Variants in FRMD4A observed in about 807,000 individuals in gnomAD.
FRMD4A encodes the protein FERM domain-containing protein 4A.
Under a neutral mutation model 129.1 loss-of-function variants are expected in FRMD4A, and 29 were observed. The ratio of observed to expected loss-of-function variants is 0.22; its 90% CI spans 0.17 to 0.31. FRMD4A has a LOEUF of 0.31. Ranked by LOEUF, FRMD4A falls within the 10% of genes least tolerant of loss-of-function variation. The pLI, the probability that FRMD4A is intolerant of heterozygous loss-of-function variation, is 1.00. For missense variants in FRMD4A, 1,272 were observed against 1,375.8 expected (o/e 0.92, Z 1.19); for synonymous variants, 634 against 571.6 (o/e 1.11, Z -1.56).
At chr10:13,985,652 A>G (rs2095578470) in intron 2 of FRMD4A, among the ~76,000 whole-genome samples, 1 of 152,224 alleles carries the variant, frequency 6.6e-6, no homozygotes, top group South Asian at 2.1e-4. Context: ...GGCAGGCACC[A>G]GTCTCCACGG....
intron 2 of FRMD4A, among the ~76,000 whole-genome samples, chr10:13,891,208 C>T (rs1323431593): frequency 1.3e-5 from 2 of 152,120 alleles, no homozygotes; most frequent in African/African-American, 4.8e-5. Context: ...CCCCGGGCAC[C>T]GGCGATCGGC....
At chr10:13,900,351 T>C (rs928942481) in intron 2 of FRMD4A, among the ~76,000 whole-genome samples, 11 of 152,168 alleles carry the variant, frequency 7.2e-5, no homozygotes, top group African/African-American at 2.7e-4. Context: ...TTGGTTATGA[T>C]TTTTCTTGGC....
chr10:14,040,206 G>A (rs887251390), intron 2 of FRMD4A, among the ~76,000 whole-genome samples: 1 of 152,108 alleles, frequency 6.6e-6, no homozygotes, highest in Non-Finnish European at 1.5e-5. Context: ...CGGGGTCAGT[G>A]ATAATCACTG....
chr10:13,801,704 C>A (rs2093258060), intron 4 of FRMD4A, among the ~76,000 whole-genome samples: 2 of 152,208 alleles, frequency 1.3e-5, no homozygotes. Context: ...GGCTGGAGCA[C>A]TTGTTACAAT....
chr10:13,680,433 T>TA (rs2084442817), intron 15 of FRMD4A, among the ~76,000 whole-genome samples: 1 of 146,180 alleles, frequency 6.8e-6, no homozygotes, highest in African/African-American at 2.6e-5. Context: ...CCCTTGGAAA[T>TA]TAAAAAAAAA....
intron 2 of FRMD4A, among the ~76,000 whole-genome samples, chr10:13,932,281 A>T (rs1168974238): frequency 3.9e-5 from 6 of 152,168 alleles, no homozygotes; most frequent in Admixed American, 3.9e-4. Context: ...TGAGTGCTTT[A>T]ATGTTAGCTA....
intron 2 of FRMD4A, among the ~76,000 whole-genome samples, chr10:13,997,853 G>T (rs2095628414): frequency 6.6e-6 from 1 of 152,000 alleles, no homozygotes; most frequent in African/African-American, 2.4e-5. Flanking sequence ...CTGACCTCAA[G>T]TGATCTGCTC....
chr10:14,131,779 T>C (rs1839273274), intron 2 of FRMD4A, among the ~76,000 whole-genome samples: 1 of 152,108 alleles, frequency 6.6e-6, no homozygotes, highest in African/African-American at 2.4e-5. Context: ...GCCCTTCCTC[T>C]CCTTCCGCTC....
At chr10:14,307,757 T>C (rs1846401202) in intron 2 of FRMD4A, among the ~76,000 whole-genome samples, 1 of 151,866 alleles carries the variant, frequency 6.6e-6, no homozygotes, top group Non-Finnish European at 1.5e-5. Flanking sequence ...TTCTCAAGCA[T>C]CCCCTCTCAC....
chr10:14,317,716 AGG>A (rs1323679239), intron 2 of FRMD4A, among the ~76,000 whole-genome samples: 1 of 116,612 alleles, frequency 8.6e-6, no homozygotes, highest in African/African-American at 3.3e-5. Context: ...AGGAGGGGAG[AGG>A]GAAGGAGAAA....
rs554614065 is a variant in FRMD4A, at chr10:13,863,145, C to T, written c.46-4233G>A. Among the ~76,000 whole-genome samples, 19 of 152,144 alleles carry T rather than the reference C, an allele frequency of 1.2e-4. No individual in the cohort carries two copies. In the South Asian group the frequency reaches 3.7e-3, roughly 30 times the overall value. On this transcript the variant is annotated intron_variant, in intron 2 of 24. Coordinates refer to ENST00000357447, the MANE Select transcript of FRMD4A (RefSeq NM_018027.5). ...GTGCCCTGTGATTCTAAAGGAAATA[C>T]GAAAAAGTGTTCTTTTGAAAGTGAA...
chr10:13,836,452 T>C (rs1288256616), intron 3 of FRMD4A, among the ~76,000 whole-genome samples: 2 of 152,112 alleles, frequency 1.3e-5, no homozygotes, highest in Non-Finnish European at 2.9e-5. Flanking sequence ...AAAGAGGTGG[T>C]ACAGAAATTG....
rs539531619 is a variant in FRMD4A, at chr10:14,159,923, G to A, written c.45+170135C>T. Among the ~76,000 whole-genome samples, 23 of 152,136 alleles carry A rather than the reference G, an allele frequency of 1.5e-4. No homozygotes were observed. The East Asian group carries it at 3.7e-3, about 24-fold the overall frequency. The stretch of plus-strand genomic sequence containing the variant: ...AAATTAGCCAGGCGTGGTGGTGGGC[G>A]CCTGTAATCCCAGCTACTTGGGAGG... On this transcript the variant is annotated intron_variant, in intron 2 of 24. Coordinates refer to ENST00000357447, the MANE Select transcript of FRMD4A (RefSeq NM_018027.5).
intron 2 of FRMD4A, among the ~76,000 whole-genome samples, chr10:14,251,462 T>C (rs1373685580): frequency 6.6e-6 from 1 of 152,112 alleles, no homozygotes; most frequent in Admixed American, 6.5e-5. Context: ...GCAGCCCCAG[T>C]CAAATGCGTC....
At chr10:13,796,371 A>G in intron 5 of FRMD4A, 125 bp downstream of exon 5, 1 of 682,072 alleles carries the variant, frequency 1.5e-6, no homozygotes, top group Admixed American at 2.1e-5. Flanking sequence ...CTCTACTACA[A>G]CCTTTATCCC....
Position 14,260,558 on chromosome 10 carries a change from C to A in FRMD4A, c.45+69500G>T, listed in dbSNP as rs11258983. Among the ~76,000 whole-genome samples, 952 of 152,258 alleles carry A rather than the reference C, an allele frequency of 6.3e-3. 11 individuals carry two copies. The highest frequency in any genetic ancestry group is 0.05 in the South Asian group (240 of 4,824). On this transcript the variant is annotated intron_variant, in intron 2 of 24. Coordinates refer to ENST00000357447, the MANE Select transcript of FRMD4A (RefSeq NM_018027.5). ...TGTTTCCTTTCATGGCATGGCACCT[C>A]AAGGACAGGGTTGAATAATTTTTAA...
At chr10:13,793,864 T>C (rs1433323149) in intron 5 of FRMD4A, among the ~76,000 whole-genome samples, 1 of 152,166 alleles carries the variant, frequency 6.6e-6, no homozygotes, top group East Asian at 1.9e-4. Flanking sequence ...GAGACGGAAT[T>C]CACCTATATA....
chr10:13,991,426 G>A (rs937771954), intron 2 of FRMD4A, among the ~76,000 whole-genome samples: 1 of 152,144 alleles, frequency 6.6e-6, no homozygotes, highest in African/African-American at 2.4e-5. Flanking sequence ...TTCCTCCAAC[G>A]GGACCCCCTC....
chr10:14,009,217 C>A (rs1035887309), intron 2 of FRMD4A, among the ~76,000 whole-genome samples: 1 of 152,202 alleles, frequency 6.6e-6, no homozygotes, highest in Non-Finnish European at 1.5e-5. Context: ...CCTTCCCCAT[C>A]TCTACTCCTC....
Sources: allele counts gnomAD v4.1 joint callset (sites outside exome capture counted in the v4.1 genomes callset), GRCh38; gene constraint gnomAD v4.1.1; transcripts MANE v1.5; gene names NCBI Gene and HGNC (gene_info 2026-07-23, HGNC 2026-07-21).